The following ATP1A1 variants were observed in gnomAD, a reference collection of about 807,000 sequenced individuals.
ATP1A1 encodes ATPase Na+/K+ transporting subunit alpha 1.
ATP1A1 carries 14 observed loss-of-function variants against 114.8 expected under a neutral mutation model. The ratio of observed to expected loss-of-function variants is 0.12; its 90% CI spans 0.08 to 0.19. The LOEUF (loss-of-function observed/expected upper bound fraction) is 0.19. ATP1A1 is among the 10% of genes least tolerant of loss of function. ATP1A1 has a pLI of 1.00. For synonymous variants in ATP1A1, 471 were observed against 466.3 expected (o/e 1.01, Z -0.13); for missense variants, 524 against 1,290.7 (o/e 0.41, Z 9.10).
intron 1 of ATP1A1, chr1:116,373,930 G>T: frequency 7.6e-7 from 1 of 1,311,748 alleles, no homozygotes; most frequent in Non-Finnish European, 9.7e-7. Flanking sequence ...CCCTGCGACC[G>T]CCGTCACCTC....
intron 1 of ATP1A1, among the ~76,000 whole-genome samples, chr1:116,377,891 A>AT (rs1170246583): frequency 1.3e-5 from 2 of 152,232 alleles, no homozygotes; most frequent in African/African-American, 4.8e-5. Flanking sequence ...GTACATGATA[A>AT]TGTGCAGTAG....
chr1:116,390,102 G>A (rs1652346077), intron 8 of ATP1A1, 111 bp from the exon 9 acceptor site: 3 of 1,121,272 alleles, frequency 2.7e-6, no homozygotes, highest in East Asian at 2.4e-5. Context: ...TCAGAAGAAG[G>A]TTGGAGAGAT....
intron 9 of ATP1A1, 51 bp from the exon 10 acceptor site, chr1:116,390,731 C>A (rs1187358214): frequency 2.1e-6 from 3 of 1,434,744 alleles, no homozygotes; most frequent in Admixed American, 3.4e-5. Flanking sequence ...GAGAACACAG[C>A]CTTTGAAGTT....
chr1:116,397,702 A>G lies in ATP1A1; in HGVS notation c.1974-186A>G, dbSNP rs1263928864. On this transcript the variant is annotated intron_variant, in intron 14 of 22. Coordinates refer to ENST00000295598, the MANE Select transcript of ATP1A1 (RefSeq NM_000701.8). The surrounding 1 kb of genome is among the most constrained non-coding windows in gnomAD (Gnocchi z 4.2). ...GATCATCATGAGCCTCAAATGAGAT[A>G]AAATATATGAAAATGCTCTGTAACC... 6.6e-6 allele frequency among the ~76,000 whole-genome samples: 1 copy of G among 152,236 alleles called. No homozygotes were observed. Among genetic ancestry groups the G allele is most frequent in the Non-Finnish European group, 1.5e-5 (1 of 68,040 alleles).
rs943316663 is a variant in ATP1A1, at chr1:116,373,978, G to A, written c.12+455G>A. On this transcript the variant is annotated intron_variant, in intron 1 of 22. Coordinates refer to ENST00000295598, the MANE Select transcript of ATP1A1 (RefSeq NM_000701.8). The stretch of plus-strand genomic sequence containing the variant: ...TTTCCCTCCGCCCTCCGTGCCCTGA[G>A]GAAAGGCGCGCTCCTCCCCTTCCCC... 15 of 1,381,650 alleles carry A rather than the reference G, an allele frequency of 1.1e-5. No homozygotes were observed. The African/African-American group carries it at 2.1e-4, about 20-fold the overall frequency. The allele number at this position is 1,381,650 out of a possible 1,614,324, so 85.6% of individuals were successfully genotyped here.
At position 116,398,031 on chromosome 1, in the gene ATP1A1, A is replaced by G; in HGVS notation, c.2117A>G (p.Gln706Arg). 6.2e-7 allele frequency: 1 copy of G among 1,613,954 alleles called. No homozygotes were observed. The highest frequency in any genetic ancestry group is 8.5e-7 in the Non-Finnish European group (1 of 1,179,936). The change falls in exon 15 of 23, where the codon CAA (glutamine) becomes CGA (arginine). Residue 706 changes from glutamine to arginine, a missense_variant. Gln to Arg is a conservative substitution (Grantham distance 43). This residue lies in a region of ATP1A1 where 36 missense variants were observed against 199.6 expected (regional missense o/e 0.18). Coordinates refer to ENST00000295598, the MANE Select transcript of ATP1A1 (RefSeq NM_000701.8). The surrounding 1 kb of genome is among the most constrained non-coding windows in gnomAD (Gnocchi z 6.1). ...QQKLIIVEGC[Q>R]RQGAIVAVTG... Reference sequence around the variant, plus strand: ...AAGCTCATCATTGTGGAAGGCTGCCAAAGACAGGTCAGCCAGCACAAGGAT... The same window carrying G: ...AAGCTCATCATTGTGGAAGGCTGCCGAAGACAGGTCAGCCAGCACAAGGAT...
chr1:116,374,208 G>GGT lies in ATP1A1; in HGVS notation c.12+690_12+691dup, dbSNP rs1304427292. The GGT allele has an allele frequency of 5.8e-6, 9 of 1,551,152 alleles. No individual in the cohort carries two copies. The East Asian group carries it at 2.2e-4, about 38-fold the overall frequency. On this transcript the variant is annotated intron_variant, in intron 1 of 22. Coordinates refer to ENST00000295598, the MANE Select transcript of ATP1A1 (RefSeq NM_000701.8). ...GGCTGGGCGGGCTGGTGCCAGAAAG[G>GGT]GTGTGTCTTCACTGCCCTAAGATGG...
At position 116,398,544 on chromosome 1, in the gene ATP1A1, G is replaced by GT. The variant is rs1362489863; in HGVS notation, c.2125-76dup. The stretch of plus-strand genomic sequence containing the variant: ...GAGCAGTGTCTGTAATGAGTGCTCA[G>GT]TGGGGGCATGCATCGCACTATTTCC... On this transcript the variant is annotated intron_variant, in intron 15 of 22. Transcript: ENST00000295598. The surrounding 1 kb of genome is among the most constrained non-coding windows in gnomAD (Gnocchi z 6.1). The GT allele has an allele frequency of 5.2e-6, 8 of 1,531,930 alleles. No individual in the cohort carries two copies. In the Admixed American group the frequency reaches 1.4e-4, roughly 28 times the overall value. The allele number at this position is 1,531,930 out of a possible 1,614,324, so 94.9% of individuals were successfully genotyped here.
Position 116,388,372 on chromosome 1 carries a change from C to G in ATP1A1, c.501+128C>G, listed in dbSNP as rs1374861098. The G allele has an allele frequency of 5.0e-6, 5 of 1,009,844 alleles. No homozygotes were observed. In the Middle Eastern group the frequency reaches 8.3e-4, roughly 168 times the overall value. 62.6% of individuals were successfully genotyped at this position (1,009,844 alleles called of 1,614,324 possible). On this transcript the variant is annotated intron_variant, in intron 5 of 22. Coordinates refer to ENST00000295598, the MANE Select transcript of ATP1A1 (RefSeq NM_000701.8). This position sits in a 1 kb window ranked among gnomAD's most constrained non-coding sequence, Gnocchi z 5.6. The stretch of plus-strand genomic sequence containing the variant: ...CATCAGAGAGATGGATGTCTTCTAC[C>G]CCACCCAAAACCAACCTATTTTCCT...
chr1:116,384,918 T>G lies in ATP1A1; in HGVS notation c.183+76T>G. On this transcript the variant is annotated intron_variant, in intron 3 of 22. Coordinates refer to ENST00000295598, the MANE Select transcript of ATP1A1 (RefSeq NM_000701.8). The surrounding 1 kb of genome is among the most constrained non-coding windows in gnomAD (Gnocchi z 5.1). ...TATTTTCCCCTGTATTACATACAGGTCTAACCTCAGGGGCTCTAGTAAGAA... is the reference window on the plus strand; with the variant it reads ...TATTTTCCCCTGTATTACATACAGGGCTAACCTCAGGGGCTCTAGTAAGAA... 7.2e-7 allele frequency: 1 copy of G among 1,392,542 alleles called. No individual in the cohort carries two copies. The highest frequency in any genetic ancestry group is 1.0e-6 in the Non-Finnish European group (1 of 981,164). The allele number at this position is 1,392,542 out of a possible 1,614,324, so 86.3% of individuals were successfully genotyped here.
chr1:116,390,346 T>A lies in ATP1A1; in HGVS notation c.1157T>A (p.Met386Lys). Residue 386 changes from methionine (M) to lysine (K), a missense_variant, in exon 9 of 23, where the codon ATG (methionine) becomes AAG (lysine). This residue lies in a region of ATP1A1 where 143 missense variants were observed against 259.3 expected (regional missense o/e 0.55). Transcript: ENST00000295598. The part of the protein sequence containing the change: ...DKTGTLTQNR[M>K]TVAHMWFDNQ... ...ACTGGAACTCTGACTCAGAACCGGA[T>A]GACAGTGGCCCACATGTGGTTTGAC... 6.2e-7 allele frequency: 1 copy of A among 1,614,138 alleles called. No individual in the cohort carries two copies. Among genetic ancestry groups the A allele is most frequent in the Non-Finnish European group, 8.5e-7 (1 of 1,180,026 alleles).
Position 116,388,310 on chromosome 1 carries a change from TAGTGTGA to T in ATP1A1, c.501+70_501+76del. ...GCCCCAAGCATGTCAGCCTGTGAAT[TAGTGTGA>T]AGTTAAGGTTTTCCAAGTATTACAT... On this transcript the variant is annotated intron_variant, in intron 5 of 22. Transcript: ENST00000295598. The surrounding 1 kb of genome is among the most constrained non-coding windows in gnomAD (Gnocchi z 5.6). The T allele has an allele frequency of 7.5e-7, 1 of 1,330,104 alleles. No homozygotes were observed. Among genetic ancestry groups the T allele is most frequent in the Non-Finnish European group, 1.1e-6 (1 of 928,180 alleles). 82.4% of individuals were successfully genotyped at this position (1,330,104 alleles called of 1,614,324 possible). A position where few individuals can be genotyped will look rare whatever the true frequency, so the allele number is the denominator to read the frequency against.
At chr1:116,380,708 T>A (rs61788012) in intron 1 of ATP1A1, among the ~76,000 whole-genome samples, 7,638 of 152,258 alleles carry the variant, frequency 0.05, 292 homozygotes, top group Middle Eastern at 0.13. Context: ...TTGTTACATG[T>A]TTTAACCTTG....
In ATP1A1 at chr1:116,388,557, T is replaced by C; in HGVS notation, c.502-81T>C. The C allele has an allele frequency of 1.3e-6, 2 of 1,489,908 alleles. No homozygotes were observed. Among genetic ancestry groups the C allele is most frequent in the South Asian group, 2.6e-5 (2 of 78,160 alleles). 92.3% of individuals were successfully genotyped at this position (1,489,908 alleles called of 1,614,324 possible). ...TTTTGTATTCAGGTAATTAGGATTA[T>C]GACTATTTTTATTTTCTTGTTTTGG... is the stretch of plus-strand genomic sequence containing the variant. On this transcript the variant is annotated intron_variant, in intron 5 of 22. Transcript: ENST00000295598. The surrounding 1 kb of genome is among the most constrained non-coding windows in gnomAD (Gnocchi z 5.6).
At position 116,387,165 on chromosome 1, in the gene ATP1A1, C is replaced by T. The variant is rs1652157003; in HGVS notation, c.184-123C>T. On this transcript the variant is annotated intron_variant, in intron 3 of 22. Coordinates refer to ENST00000295598, the MANE Select transcript of ATP1A1 (RefSeq NM_000701.8). This position sits in a 1 kb window ranked among gnomAD's most constrained non-coding sequence, Gnocchi z 6.7. ...GAATTTGCTAGGTTTTACCTTGGCT[C>T]TCTAGCTTGGGACATTTTGTTTCTT... 3 of 1,170,776 alleles carry T rather than the reference C, an allele frequency of 2.6e-6. No homozygotes were observed. The highest frequency in any genetic ancestry group is 5.1e-5 in the East Asian group (2 of 39,012). The allele number at this position is 1,170,776 out of a possible 1,614,324, so 72.5% of individuals were successfully genotyped here.
In ATP1A1 at chr1:116,395,301, C is replaced by T; in HGVS notation, c.1836+16C>T. 6.2e-7 allele frequency: 1 copy of T among 1,612,448 alleles called. No individual in the cohort carries two copies. The highest frequency in any genetic ancestry group is 8.5e-7 in the Non-Finnish European group (1 of 1,179,328). Reference sequence around the variant, plus strand: ...TGGAATTAAGGTAGTGCCCAGGCGCCTCCTTGGCTTCATCTCTTAGTGCCT... The same window carrying T: ...TGGAATTAAGGTAGTGCCCAGGCGCTTCCTTGGCTTCATCTCTTAGTGCCT... On this transcript the variant is annotated intron_variant, in intron 13 of 22. Coordinates refer to ENST00000295598, the MANE Select transcript of ATP1A1 (RefSeq NM_000701.8). This position sits in a 1 kb window ranked among gnomAD's most constrained non-coding sequence, Gnocchi z 6.4.
chr1:116,388,961 A>T lies in ATP1A1; in HGVS notation c.696A>T (p.Thr232=). The T allele has an allele frequency of 1.2e-6, 2 of 1,614,216 alleles. No homozygotes were observed. The highest frequency in any genetic ancestry group is 1.7e-6 in the Non-Finnish European group (2 of 1,180,038). The change falls in exon 7 of 23, where the codon ACA becomes ACT. Residue 232 remains threonine (T), a synonymous_variant. Coordinates refer to ENST00000295598, the MANE Select transcript of ATP1A1 (RefSeq NM_000701.8). This position sits in a 1 kb window ranked among gnomAD's most constrained non-coding sequence, Gnocchi z 5.6. ...SEPQTRSPDF[T]NENPLETRNI... is the part of the protein sequence containing the mutation. ...CCCAGACTAGGTCTCCAGATTTCACAAATGAAAACCCCCTGGAGACGAGGA... is the reference window on the plus strand; with the variant it reads ...CCCAGACTAGGTCTCCAGATTTCACTAATGAAAACCCCCTGGAGACGAGGA...
chr1:116,373,633 G>A, intron 1 of ATP1A1, 110 bp downstream of exon 1: 1 of 1,216,322 alleles, frequency 8.2e-7, no homozygotes, highest in Non-Finnish European at 1.1e-6. Flanking sequence ...AGGAAGCGGC[G>A]CCGCGTGGAG....
Position 116,384,056 on chromosome 1 carries a change from G to C in ATP1A1, c.55G>C (p.Gly19Arg). Residue 19 changes from glycine (G) to arginine (R), a missense_variant, in exon 2 of 23, where the codon GGT becomes CGT. Physicochemically the swap from Gly to Arg is moderately radical, Grantham distance 125 (BLOSUM62 -2). Transcript: ENST00000295598. This position sits in a 1 kb window ranked among gnomAD's most constrained non-coding sequence, Gnocchi z 5.1. ...KYEPAAVSEQGDKKGKKGKKD... is the reference protein window; with the variant it reads ...KYEPAAVSEQRDKKGKKGKKD... ...TGAGCCTGCAGCTGTTTCAGAACAA[G>C]GTGATAAAAAGGGCAAAAAGGGCAA... 1 of 1,614,062 alleles carries C rather than the reference G, an allele frequency of 6.2e-7. No individual in the cohort carries two copies. The highest frequency in any genetic ancestry group is 1.3e-5 in the African/African-American group (1 of 75,038).
Sources: gnomAD v4.1 joint callset for allele counts (sites outside exome capture counted in the v4.1 genomes callset) on GRCh38, gnomAD v4.1.1 for gene constraint, gnomAD v4.1.1 regional missense constraint, Gnocchi (gnomAD v3.1) non-coding constraint, MANE v1.5 for transcripts, NCBI Gene and HGNC (gene_info 2026-07-23, HGNC 2026-07-21) for gene names.